The following SYT9 variants were observed in gnomAD, a reference collection of about 807,000 sequenced individuals.
SYT9 encodes synaptotagmin 9.
Under a neutral mutation model 48.4 loss-of-function variants are expected in SYT9, and 22 were observed. The ratio of observed to expected loss-of-function variants is 0.45; its 90% CI spans 0.32 to 0.65. The LOEUF is 0.65. SYT9 is among the 30% of genes least tolerant of loss of function. The pLI is 0.03. For missense variants in SYT9, 577 were observed against 622.0 expected (o/e 0.93, Z 0.77); for synonymous variants, 265 against 245.0 (o/e 1.08, Z -0.76).
intron 3 of SYT9, among the ~76,000 whole-genome samples, chr11:7,389,757 A>G (rs1228930123): frequency 6.6e-6 from 1 of 152,180 alleles, no homozygotes; most frequent in East Asian, 1.9e-4. Context: ...TTATCCAGAT[A>G]ACTTTTGGAG....
At chr11:7,338,705 G>A (rs953522986) in intron 3 of SYT9, among the ~76,000 whole-genome samples, 2 of 152,100 alleles carry the variant, frequency 1.3e-5, no homozygotes, top group African/African-American at 4.8e-5. Flanking sequence ...GCTATGATCT[G>A]AGAGTGTGTT....
rs911518236 is a variant in SYT9 at position 7,291,346 on chromosome 11, G to C, written c.146-11693G>C. Among the ~76,000 whole-genome samples, 3 of 152,302 alleles carry C rather than the reference G, an allele frequency of 2.0e-5. No individual in the cohort carries two copies. The East Asian group carries it at 5.8e-4, about 29-fold the overall frequency. On this transcript the variant is annotated intron_variant, in intron 1 of 6. Transcript: ENST00000318881. Reference sequence around the variant, plus strand: ...TGGTTTCAGTATTCATCAGATGTTGGAAGAGAGTCTTTGACTCTAAAGGGC... The same window carrying C: ...TGGTTTCAGTATTCATCAGATGTTGCAAGAGAGTCTTTGACTCTAAAGGGC...
chr11:7,251,374 G>T (rs1220360167), upstream of SYT9, among the ~76,000 whole-genome samples: 1 of 152,142 alleles, frequency 6.6e-6, no homozygotes, highest in African/African-American at 2.4e-5. Context: ...TTTGATCTTA[G>T]TTCTGACCTA....
intron 6 of SYT9, chr11:7,436,101 A>T (rs748256626): frequency 9.9e-5 from 15 of 152,252 alleles, no homozygotes; most frequent in Non-Finnish European, 1.6e-4. Context: ...GACTTCACCC[A>T]TTCCAATTTT....
intron 3 of SYT9, among the ~76,000 whole-genome samples, chr11:7,402,496 T>C (rs1299061286): frequency 6.6e-6 from 1 of 152,170 alleles, no homozygotes; most frequent in Non-Finnish European, 1.5e-5. Flanking sequence ...ATTTGTTTAG[T>C]GTATTTTGAA....
chr11:7,353,740 G>A (rs1849963509), intron 3 of SYT9, among the ~76,000 whole-genome samples: 1 of 152,136 alleles, frequency 6.6e-6, no homozygotes, highest in South Asian at 2.1e-4. Flanking sequence ...TGAATTACTG[G>A]ATGGTTTCTC....
At chr11:7,323,702 A>G (rs1200199316) in intron 3 of SYT9, among the ~76,000 whole-genome samples, 2 of 151,980 alleles carry the variant, frequency 1.3e-5, no homozygotes, top group Non-Finnish European at 2.9e-5. Context: ...TTATATTGCT[A>G]TATTTTATAC....
chr11:7,401,916 T>C (rs1199342487), intron 3 of SYT9, among the ~76,000 whole-genome samples: 2 of 152,060 alleles, frequency 1.3e-5, no homozygotes, highest in East Asian at 3.9e-4. Context: ...TCATGTTCCT[T>C]AAGTTGAAAC....
At chr11:7,247,628 C>T (rs922054782), upstream of SYT9, among the ~76,000 whole-genome samples, 15 of 138,944 alleles carry the variant, frequency 1.1e-4, no homozygotes, top group African/African-American at 2.4e-4. Flanking sequence ...TGTATATATA[C>T]GTGTATATAT....
At chr11:7,357,512 T>C (rs1850043740) in intron 3 of SYT9, among the ~76,000 whole-genome samples, 1 of 152,170 alleles carries the variant, frequency 6.6e-6, no homozygotes, top group Admixed American at 6.5e-5. Context: ...CCCCAGCTTC[T>C]CTGAGAGAAT....
At chr11:7,452,858 C>T (rs1268887794) in intron 6 of SYT9, among the ~76,000 whole-genome samples, 1 of 152,214 alleles carries the variant, frequency 6.6e-6, no homozygotes, top group East Asian at 2.0e-4. Context: ...TCTCGGCTCA[C>T]CACAACCTCC....
chr11:7,423,359 C>T (rs1847390788), intron 6 of SYT9, among the ~76,000 whole-genome samples: 1 of 151,912 alleles, frequency 6.6e-6, no homozygotes, highest in Non-Finnish European at 1.5e-5. Flanking sequence ...GCTTCGTTAG[C>T]AGCTGTAAGG....
At chr11:7,259,505 G>A (rs1848039406) in intron 1 of SYT9, among the ~76,000 whole-genome samples, 1 of 152,018 alleles carries the variant, frequency 6.6e-6, no homozygotes, top group Non-Finnish European at 1.5e-5. Flanking sequence ...ATCTATGTTA[G>A]TTAGTCCTGC....
intron 6 of SYT9, chr11:7,438,364 A>T (rs1244771344): frequency 6.6e-6 from 1 of 152,206 alleles, no homozygotes; most frequent in Non-Finnish European, 1.5e-5. Context: ...TAACAGGCAC[A>T]TCAGGGCCCC....
intron 6 of SYT9, among the ~76,000 whole-genome samples, chr11:7,427,033 T>C (rs2134113356): frequency 6.6e-6 from 1 of 152,304 alleles, no homozygotes; most frequent in South Asian, 2.1e-4. Flanking sequence ...CATTTTCTGA[T>C]TTACAGACAA....
At chr11:7,308,069 C>G (rs1321750309) in intron 2 of SYT9, among the ~76,000 whole-genome samples, 1 of 152,206 alleles carries the variant, frequency 6.6e-6, no homozygotes, top group Non-Finnish European at 1.5e-5. Context: ...CTGTGTCTGT[C>G]CCTATCCAGG....
At chr11:7,301,414 A>T (rs1441814738) in intron 1 of SYT9, among the ~76,000 whole-genome samples, 1 of 152,214 alleles carries the variant, frequency 6.6e-6, no homozygotes, top group Non-Finnish European at 1.5e-5. Flanking sequence ...GGTGGGTGGT[A>T]GTTGTTCAGC....
intron 3 of SYT9, among the ~76,000 whole-genome samples, chr11:7,384,062 C>CCA (rs3086255): frequency 0.099 from 14,860 of 149,524 alleles, 760 homozygotes; most frequent in East Asian, 0.22. Flanking sequence ...AATTCACTAG[C>CCA]CACACACACA....
intron 6 of SYT9, among the ~76,000 whole-genome samples, chr11:7,454,954 G>C (rs1334203790): frequency 6.6e-6 from 1 of 152,180 alleles, no homozygotes; most frequent in Non-Finnish European, 1.5e-5. Flanking sequence ...CCTACTATCA[G>C]CCACAGTGTA....
Sources: allele counts gnomAD v4.1 joint callset (sites outside exome capture counted in the v4.1 genomes callset), GRCh38; gene constraint gnomAD v4.1.1; transcripts MANE v1.5; gene names NCBI Gene and HGNC (gene_info 2026-07-23, HGNC 2026-07-21).